Variants in MXI1 observed in about 807,000 individuals in gnomAD.
The protein encoded by MXI1 is max-interacting protein 1.
In MXI1, 18 loss-of-function variants were observed where a neutral mutation model predicts 36.9. The ratio of observed to expected loss-of-function variants is 0.49; its 90% confidence interval spans 0.34 to 0.72. MXI1 has a LOEUF of 0.72. Among genes scored for constraint, MXI1 ranks in the 30% least tolerant of loss-of-function variants. MXI1 has a pLI of 0.01. For synonymous variants in MXI1, 160 were observed against 146.7 expected, an observed-to-expected ratio of 1.09 and a Z score of -0.65; for missense variants, 304 against 379.1, an observed-to-expected ratio of 0.80 and a Z score of 1.64.
intron 3 of MXI1, among the ~76,000 whole-genome samples, chr10:110,254,043 G>A (rs948577602): frequency 3.9e-5 from 6 of 151,962 alleles, no homozygotes; most frequent in Admixed American, 3.3e-4. Flanking sequence ...TGGAAAGAAA[G>A]AAGTAAAACC....
intron 1 of MXI1, among the ~76,000 whole-genome samples, chr10:110,215,827 G>A (rs543100753): frequency 6.6e-6 from 1 of 152,262 alleles, no homozygotes; most frequent in South Asian, 2.1e-4. Flanking sequence ...TCAAGTCTTG[G>A]AGGATCCTTC....
chr10:110,214,856 T>TG (rs1854591808), intron 1 of MXI1, among the ~76,000 whole-genome samples: 1 of 151,018 alleles, frequency 6.6e-6, no homozygotes, highest in Admixed American at 6.6e-5. Context: ...TTTTTTTTTT[T>TG]TTTTAAAGGA....
rs766802626 is a variant in MXI1 at position 110,279,166 on chromosome 10, T to C, written c.438-14T>C. The C allele has an allele frequency of 6.2e-7, 1 of 1,602,158 alleles. No homozygotes were observed. The highest frequency in any genetic ancestry group is 1.7e-5 in the Admixed American group (1 of 59,682). ...TAACCAGACTGTGCTGATTTGACTT[T>C]TTGTCTTTCTTAGACGAGCTCATCT... On this transcript the variant is annotated splice_polypyrimidine_tract_variant and intron_variant, in intron 3 of 5. Transcript: ENST00000332674.
intron 3 of MXI1, among the ~76,000 whole-genome samples, chr10:110,254,003 T>A (rs1375928072): frequency 4.0e-5 from 6 of 150,450 alleles, no homozygotes; most frequent in Non-Finnish European, 4.4e-5. Context: ...GGCAGTTAGA[T>A]AAGAAAAAAA....
intron 2 of MXI1, among the ~76,000 whole-genome samples, chr10:110,241,467 T>G (rs1224461943): frequency 3.3e-5 from 5 of 152,004 alleles, no homozygotes; most frequent in African/African-American, 1.2e-4. Flanking sequence ...GGGTTGTTTC[T>G]GAATGTGCTA....
chr10:110,241,341 ACTAGAT>A (rs1237244113), intron 2 of MXI1, among the ~76,000 whole-genome samples: 1 of 151,996 alleles, frequency 6.6e-6, no homozygotes, highest in Non-Finnish European at 1.5e-5. Context: ...AAGTGGGCTA[ACTAGAT>A]GGGTTATTCA....
At chr10:110,209,297 T>C (rs1386519556) in intron 1 of MXI1, among the ~76,000 whole-genome samples, 1 of 151,968 alleles carries the variant, frequency 6.6e-6, no homozygotes, top group Non-Finnish European at 1.5e-5. Flanking sequence ...GGAAGATCAA[T>C]GAGGCGCGAG....
chr10:110,241,235 A>G (rs558487689), intron 2 of MXI1, among the ~76,000 whole-genome samples: 3 of 152,110 alleles, frequency 2.0e-5, no homozygotes, highest in African/African-American at 7.2e-5. Flanking sequence ...TGTCTTTGTC[A>G]TTGGAAGTTG....
At chr10:110,245,093 A>G (rs780094429) in intron 3 of MXI1, among the ~76,000 whole-genome samples, 14 of 152,186 alleles carry the variant, frequency 9.2e-5, no homozygotes, top group Non-Finnish European at 1.3e-4. Context: ...TTTTAGGTAT[A>G]GCCTTTATTT....
chr10:110,216,910 G>A (rs113762035), intron 1 of MXI1, among the ~76,000 whole-genome samples: 7,886 of 151,728 alleles, frequency 0.052, 311 homozygotes, highest in Middle Eastern at 0.15. Flanking sequence ...TCAAGCCATC[G>A]ACCCACCTCG....
intron 2 of MXI1, among the ~76,000 whole-genome samples, chr10:110,239,452 ATATGT>A: frequency 6.6e-6 from 1 of 152,272 alleles, no homozygotes; most frequent in South Asian, 2.1e-4. Context: ...ACAACTTTTG[ATATGT>A]TGTGTCATTA....
intron 2 of MXI1, among the ~76,000 whole-genome samples, chr10:110,238,406 C>G (rs572244983): frequency 6.6e-6 from 1 of 152,274 alleles, no homozygotes; most frequent in African/African-American, 2.4e-5. Context: ...GTTTTAGAAG[C>G]TCTGTCCCAG....
chr10:110,212,352 C>G (rs1238875278), intron 1 of MXI1, among the ~76,000 whole-genome samples: 1 of 152,206 alleles, frequency 6.6e-6, no homozygotes, highest in Non-Finnish European at 1.5e-5. Flanking sequence ...CTTCCTTGCC[C>G]TGAAACCTCT....
At chr10:110,221,001 G>A (rs866230651) in intron 1 of MXI1, among the ~76,000 whole-genome samples, 6 of 152,182 alleles carry the variant, frequency 3.9e-5, no homozygotes, top group Admixed American at 1.3e-4. Flanking sequence ...AAACTACTTC[G>A]GCACAACAAA....
At chr10:110,233,977 T>C (rs912525408) in intron 2 of MXI1, among the ~76,000 whole-genome samples, 9 of 152,192 alleles carry the variant, frequency 5.9e-5, no homozygotes, top group African/African-American at 1.9e-4. Context: ...GATCACAAAA[T>C]GTAGAAAGGG....
intron 1 of MXI1, among the ~76,000 whole-genome samples, chr10:110,216,665 G>GTTTTTTTTTTTTTGTTTTTTT (rs1854646409): frequency 2.5e-5 from 2 of 79,060 alleles, no homozygotes; most frequent in Non-Finnish European, 4.0e-5. Flanking sequence ...TGTGTTTAAT[G>GTTTTTTTTTTTTTGTTTTTTT]TTTTTTTTTT....
At chr10:110,266,229 T>G (rs1218375482) in intron 3 of MXI1, among the ~76,000 whole-genome samples, 1 of 151,998 alleles carries the variant, frequency 6.6e-6, no homozygotes, top group Non-Finnish European at 1.5e-5. Context: ...TGCTTCAGCC[T>G]CCTGAGTAGC....
intron 2 of MXI1, among the ~76,000 whole-genome samples, chr10:110,228,793 A>G (rs925226530): frequency 4.6e-5 from 7 of 152,236 alleles, no homozygotes; most frequent in Non-Finnish European, 7.3e-5. Flanking sequence ...AGAAAAGGGA[A>G]GACCATGCTG....
intron 2 of MXI1, among the ~76,000 whole-genome samples, chr10:110,239,290 G>A (rs931462922): frequency 6.6e-6 from 1 of 152,152 alleles, no homozygotes; most frequent in Admixed American, 6.6e-5. Context: ...GCTTACAGTT[G>A]AGAACCGTTG....
Sources: gnomAD v4.1 joint callset for allele counts (sites outside exome capture counted in the v4.1 genomes callset) on GRCh38, gnomAD v4.1.1 for gene constraint, MANE v1.5 for transcripts, NCBI Gene and HGNC (gene_info 2026-07-23, HGNC 2026-07-21) for gene names.